The following KHDRBS2 variants were observed in gnomAD, a reference collection of about 807,000 sequenced individuals.
KHDRBS2 encodes the protein KH domain-containing, RNA-binding, signal transduction-associated protein 2.
In KHDRBS2, 26 loss-of-function variants were observed where a neutral mutation model predicts 44.3. The ratio of observed to expected loss-of-function variants is 0.59; its 90% CI spans 0.43 to 0.81. The LOEUF (loss-of-function observed/expected upper bound fraction) is 0.81, where lower values mean the gene tolerates loss of function less well. Among genes scored for constraint, KHDRBS2 ranks in the 40% least tolerant of loss-of-function variants. The pLI is 0.00. For missense variants in KHDRBS2, 476 were observed against 433.1 expected (o/e 1.10, Z -0.88); for synonymous variants, 194 against 151.1 (o/e 1.28, Z -2.08).
chr6:61,625,831 T>C, the KHDRBS2 span, among the ~76,000 whole-genome samples: 3 of 152,236 alleles, frequency 2.0e-5, no homozygotes, highest in Non-Finnish European at 4.4e-5. Flanking sequence ...GATAAGCCTA[T>C]GAAAGTTCTC....
chr6:62,189,269 G>T (rs182049837), intron 1 of KHDRBS2, among the ~76,000 whole-genome samples: 104 of 152,218 alleles, frequency 6.8e-4, no homozygotes, highest in African/African-American at 2.4e-3. Flanking sequence ...CAGTGTGAGA[G>T]AGCCACCTTA....
chr6:61,629,318 C>T, the KHDRBS2 span, among the ~76,000 whole-genome samples: 1,441 of 152,250 alleles, frequency 9.5e-3, 9 homozygotes, highest in Admixed American at 0.016. Context: ...AGAATCATGT[C>T]CCAAACATCA....
chr6:62,215,818 C>T (rs940350935), intron 1 of KHDRBS2, among the ~76,000 whole-genome samples: 4 of 151,432 alleles, frequency 2.6e-5, no homozygotes, highest in African/African-American at 9.7e-5. Flanking sequence ...GTTGAAGAAG[C>T]CAAAGTTGCA....
At chr6:61,607,939 T>C in the KHDRBS2 span, among the ~76,000 whole-genome samples, 2 of 152,158 alleles carry the variant, frequency 1.3e-5, no homozygotes, top group Non-Finnish European at 2.9e-5. Context: ...CCGCCTACCT[T>C]GGCCTCCCAA....
At chr6:62,061,474 T>C (rs1433526232) in intron 2 of KHDRBS2, among the ~76,000 whole-genome samples, 1 of 150,952 alleles carries the variant, frequency 6.6e-6, no homozygotes, top group Admixed American at 6.6e-5. Context: ...TTCAAAATTC[T>C]TTTCTTTAAG....
rs547820737 is a variant in KHDRBS2 at position 62,133,996 on chromosome 6, CTGA to C, written c.219+43186_219+43188del. Among the ~76,000 whole-genome samples, 460 of 152,204 alleles carry C rather than the reference CTGA, an allele frequency of 3.0e-3. 1 individual carries two copies. Among genetic ancestry groups the C allele is most frequent in the African/African-American group, 0.01 (434 of 41,524 alleles). ...CATAAAAGTTTGGAAAATCTGCAGC[CTGA>C]TGATGCAACAGAAAAGAAAAATCCC... On this transcript the variant is annotated intron_variant, in intron 2 of 8. Transcript: ENST00000281156.
chr6:61,590,624 T>C, the KHDRBS2 span, among the ~76,000 whole-genome samples: 3 of 152,208 alleles, frequency 2.0e-5, no homozygotes, highest in Admixed American at 2.0e-4. Context: ...ACATTTAATA[T>C]CCTGTGGGTT....
chr6:62,081,687 T>G (rs1797428685), intron 2 of KHDRBS2, among the ~76,000 whole-genome samples: 1 of 152,150 alleles, frequency 6.6e-6, no homozygotes, highest in South Asian at 2.1e-4. Flanking sequence ...TATCTTTATG[T>G]AAATATATTC....
intron 2 of KHDRBS2, among the ~76,000 whole-genome samples, chr6:62,159,403 T>A (rs1306156330): frequency 1.3e-5 from 2 of 152,146 alleles, no homozygotes; most frequent in Admixed American, 1.3e-4. Context: ...TTGAGCCTCT[T>A]TCGGAGTACT....
chr6:61,754,034 C>G (rs1362116701), intron 6 of KHDRBS2, among the ~76,000 whole-genome samples: 1 of 152,104 alleles, frequency 6.6e-6, no homozygotes, highest in Non-Finnish European at 1.5e-5. Flanking sequence ...TCCCCCAGAT[C>G]CTCCAGAGGG....
intron 6 of KHDRBS2, among the ~76,000 whole-genome samples, chr6:61,885,003 G>C (rs1041957642): frequency 3.9e-5 from 6 of 152,074 alleles, no homozygotes; most frequent in African/African-American, 1.4e-4. Context: ...TGGCAGGAAA[G>C]TGAATATTTA....
intron 2 of KHDRBS2, among the ~76,000 whole-genome samples, chr6:62,106,786 G>T (rs1398415433): frequency 1.3e-5 from 2 of 152,042 alleles, no homozygotes; most frequent in Non-Finnish European, 2.9e-5. Flanking sequence ...GGCTGGTTCA[G>T]TATACACAAA....
chr6:62,164,947 T>C (rs1818371612), intron 2 of KHDRBS2, among the ~76,000 whole-genome samples: 1 of 151,922 alleles, frequency 6.6e-6, no homozygotes, highest in Non-Finnish European at 1.5e-5. Flanking sequence ...CCTTACACTA[T>C]ACATGTGTGA....
chr6:62,247,455 AGAG>A (rs370806802), intron 1 of KHDRBS2, among the ~76,000 whole-genome samples: 7 of 152,042 alleles, frequency 4.6e-5, no homozygotes, highest in Non-Finnish European at 1.0e-4. Context: ...TTGAAGAGAA[AGAG>A]GAGATTTTTC....
chr6:61,717,868 T>C (rs1165555069), intron 7 of KHDRBS2, among the ~76,000 whole-genome samples: 4 of 152,122 alleles, frequency 2.6e-5, no homozygotes, highest in Non-Finnish European at 5.9e-5. Flanking sequence ...ATATTCTCTC[T>C]GGCCTTTTGA....
the KHDRBS2 span, among the ~76,000 whole-genome samples, chr6:61,571,995 C>T: frequency 1.3e-5 from 2 of 151,810 alleles, no homozygotes; most frequent in Non-Finnish European, 2.9e-5. Flanking sequence ...GACATTGAAA[C>T]AACAAAAAAT....
At chr6:62,201,383 G>A (rs1386705482) in intron 1 of KHDRBS2, among the ~76,000 whole-genome samples, 1 of 152,016 alleles carries the variant, frequency 6.6e-6, no homozygotes, top group Non-Finnish European at 1.5e-5. Context: ...TTGTAAGAAG[G>A]GGCTGTGAAT....
At chr6:62,101,977 G>C (rs758429830) in intron 2 of KHDRBS2, among the ~76,000 whole-genome samples, 19 of 152,008 alleles carry the variant, frequency 1.2e-4, no homozygotes, top group Non-Finnish European at 1.9e-4. Context: ...TCATATCTGT[G>C]GATCTTTTTC....
At chr6:62,045,369 T>C (rs575586368) in intron 3 of KHDRBS2, among the ~76,000 whole-genome samples, 1 of 152,134 alleles carries the variant, frequency 6.6e-6, no homozygotes, top group African/African-American at 2.4e-5. Flanking sequence ...TTCTCTCTCC[T>C]TTCTGATATT....
Sources: allele counts gnomAD v4.1 joint callset (sites outside exome capture counted in the v4.1 genomes callset), GRCh38; gene constraint gnomAD v4.1.1; transcripts MANE v1.5; gene names NCBI Gene and HGNC (gene_info 2026-07-23, HGNC 2026-07-21).